Variants in AR observed in about 807,000 individuals in gnomAD.
The protein encoded by AR is androgen receptor.
Under a neutral mutation model 53.9 loss-of-function variants are expected in AR, and 8 were observed. The ratio of observed to expected loss-of-function variants is 0.15; its 90% CI spans 0.09 to 0.27. The LOEUF (loss-of-function observed/expected upper bound fraction) is 0.27. AR is among the 10% of genes least tolerant of loss of function. AR has a pLI of 1.00. For missense variants in AR, 639 were observed against 742.5 expected (o/e 0.86, Z 1.62); for synonymous variants, 359 against 316.4 (o/e 1.13, Z -1.43).
At chrX:67,695,476 A>G in intron 3 of AR, 4 of 754,199 alleles carry the variant, frequency 5.3e-6, no homozygotes, top group Non-Finnish European at 6.3e-6. Flanking sequence ...GCTCTCTCAC[A>G]TCACATGCTT....
chrX:67,600,515 G>A (rs1013769764), intron 1 of AR, among the ~76,000 whole-genome samples: 5 of 110,969 alleles, frequency 4.5e-5, no homozygotes, highest in Non-Finnish European at 9.4e-5. Flanking sequence ...AATGGATATA[G>A]AAAGTAGAAG....
chrX:67,573,838 T>A (rs1265233452), intron 1 of AR, among the ~76,000 whole-genome samples: 1 of 112,141 alleles, frequency 8.9e-6, no homozygotes, highest in Non-Finnish European at 1.9e-5. Flanking sequence ...CATTTCTGTT[T>A]GTTATGAAAG....
intron 1 of AR, among the ~76,000 whole-genome samples, chrX:67,562,881 G>T (rs143063519): frequency 0.012 from 1,328 of 111,804 alleles, 6 homozygotes; most frequent in Non-Finnish European, 0.02. Flanking sequence ...TTATAAGAAT[G>T]AAATAAAACA....
At chrX:67,714,410 G>A (rs983624702) in intron 4 of AR, among the ~76,000 whole-genome samples, 4 of 111,698 alleles carry the variant, frequency 3.6e-5, no homozygotes, top group Admixed American at 9.5e-5. Context: ...CTGCTTTCAC[G>A]AAACTCAATT....
intron 1 of AR, among the ~76,000 whole-genome samples, chrX:67,595,443 T>C (rs2079978251): frequency 9.0e-6 from 1 of 111,032 alleles, no homozygotes; most frequent in African/African-American, 3.3e-5. Flanking sequence ...ATGGTATAAT[T>C]TGCTTTTTAA....
chrX:67,685,937 C>T, intron 2 of AR, 73 bp from the exon 3 acceptor site: 1 of 1,197,443 alleles, frequency 8.4e-7, no homozygotes, highest in Non-Finnish European at 1.1e-6. Flanking sequence ...CTTTTCTGTT[C>T]TAGAAATACC....
At chrX:67,684,779 T>C (rs1455340414) in intron 2 of AR, among the ~76,000 whole-genome samples, 1 of 112,134 alleles carries the variant, frequency 8.9e-6, no homozygotes, top group Non-Finnish European at 1.9e-5. Flanking sequence ...TAGCCTACTA[T>C]AATAGATGCA....
chrX:67,586,911 TG>T (rs905303923), intron 1 of AR, among the ~76,000 whole-genome samples: 1 of 112,103 alleles, frequency 8.9e-6, no homozygotes, highest in African/African-American at 3.2e-5. Context: ...AGAGGCTCAC[TG>T]TTATCAATCT....
In AR at chrX:67,629,506, T is replaced by C. The variant is rs1397412033; in HGVS notation, c.1617-13750T>C. 1.7e-4 allele frequency among the ~76,000 whole-genome samples: 18 copies of C among 107,455 alleles called. No individual in the cohort carries two copies. In the South Asian group the frequency reaches 4.2e-3, roughly 25 times the overall value. The allele number at this position is 107,455 out of a possible 115,157, so 93.3% of individuals were successfully genotyped here. A position where few individuals can be genotyped will look rare whatever the true frequency, so the allele number is the denominator to read the frequency against. ...ATATCCCCTTTATCATTTTTTATTG[T>C]GTCTATTTGATTCTTCTCTCTTTTT... On this transcript the variant is annotated intron_variant, in intron 1 of 7. Coordinates refer to ENST00000374690, the MANE Select transcript of AR (RefSeq NM_000044.6).
chrX:67,566,656 G>C (rs1467801781), intron 1 of AR, among the ~76,000 whole-genome samples: 1 of 110,914 alleles, frequency 9.0e-6, no homozygotes, highest in Non-Finnish European at 1.9e-5. Context: ...TATTTGAGTA[G>C]AGTATGGGGG....
At chrX:67,658,157 G>C (rs1279259649) in intron 2 of AR, among the ~76,000 whole-genome samples, 2 of 111,940 alleles carry the variant, frequency 1.8e-5, no homozygotes, top group Non-Finnish European at 3.8e-5. Flanking sequence ...CCATTAGCAA[G>C]ACTGTGGAGG....
intron 1 of AR, among the ~76,000 whole-genome samples, chrX:67,615,061 A>C (rs906385760): frequency 3.6e-5 from 4 of 110,730 alleles, no homozygotes; most frequent in Non-Finnish European, 7.6e-5. Flanking sequence ...TAGAAAGAAA[A>C]AAAGAATGAA....
chrX:67,704,658 C>A (rs1161255572), intron 3 of AR, among the ~76,000 whole-genome samples: 1 of 111,515 alleles, frequency 9.0e-6, no homozygotes, highest in Non-Finnish European at 1.9e-5. Context: ...TAATTAGATC[C>A]CATTTGTCAA....
chrX:67,651,204 C>CTTT (rs60224900), intron 2 of AR, among the ~76,000 whole-genome samples: 4 of 93,523 alleles, frequency 4.3e-5, no homozygotes, highest in East Asian at 3.6e-4. Context: ...CCACACCCAG[C>CTTT]TTTTTTTTTT....
chrX:67,725,090 C>A lies in AR; in HGVS notation c.*1249C>A. 1 of 175,799 alleles carries A rather than the reference C, an allele frequency of 5.7e-6. No individual in the cohort carries two copies. Among genetic ancestry groups the A allele is most frequent in the Non-Finnish European group, 1.1e-5 (1 of 91,729 alleles). 14.5% of individuals were successfully genotyped at this position (175,799 alleles called of 1,213,427 possible). A position where few individuals can be genotyped will look rare whatever the true frequency, so the allele number is the denominator to read the frequency against. ...CCGTGAAGCCACAAGCACCTTATGT[C>A]CTCCCTTCAGTGTTTTGTGGGCCTG... is the stretch of plus-strand genomic sequence containing the variant. On this transcript the variant is annotated 3_prime_UTR_variant, in exon 8 of 8. Transcript: ENST00000374690.
At chrX:67,559,525 C>T (rs1921207331) in intron 1 of AR, among the ~76,000 whole-genome samples, 1 of 112,104 alleles carries the variant, frequency 8.9e-6, no homozygotes, top group Non-Finnish European at 1.9e-5. Flanking sequence ...TGCAGGATCC[C>T]ATAGGAAGTC....
intron 3 of AR, among the ~76,000 whole-genome samples, chrX:67,703,242 G>A (rs898967806): frequency 2.7e-5 from 3 of 111,626 alleles, no homozygotes; most frequent in African/African-American, 9.8e-5. Flanking sequence ...TTATGTTAAA[G>A]GGATTAAAGT....
intron 1 of AR, among the ~76,000 whole-genome samples, chrX:67,593,583 C>T (rs1922939922): frequency 9.0e-6 from 1 of 110,934 alleles, no homozygotes; most frequent in African/African-American, 3.3e-5. Context: ...ATCTCTTGAC[C>T]TCATGATCTG....
chrX:67,619,872 T>G (rs1041993600), intron 1 of AR, among the ~76,000 whole-genome samples: 17 of 110,638 alleles, frequency 1.5e-4, no homozygotes, highest in South Asian at 4.0e-4. Flanking sequence ...AAAATCAGTC[T>G]CTTATGTGTT....
Sources: allele counts gnomAD v4.1 joint callset (sites outside exome capture counted in the v4.1 genomes callset), GRCh38; gene constraint gnomAD v4.1.1; transcripts MANE v1.5; gene names NCBI Gene and HGNC (gene_info 2026-07-23, HGNC 2026-07-21).